SHQ1: variants seen among roughly 807,000 people sequenced by gnomAD.
SHQ1 encodes the protein SHQ1, H/ACA ribonucleoprotein assembly factor.
SHQ1 carries 49 observed loss-of-function variants against 53.8 expected under a neutral mutation model. The observed-to-expected ratio is 0.91, with a 90% CI of 0.72 to 1.16. The LOEUF (loss-of-function observed/expected upper bound fraction) is 1.16, where lower values mean the gene tolerates loss of function less well. Among genes scored for constraint, SHQ1 ranks in the 50% most tolerant of loss-of-function variants. The pLI is 0.00. For synonymous variants in SHQ1, 243 were observed against 251.0 expected, an observed-to-expected ratio of 0.97 and a Z score of 0.30; for missense variants, 738 against 683.1, an observed-to-expected ratio of 1.08 and a Z score of -0.90.
chr3:72,843,162 T>G (rs762507819), intron 2 of SHQ1, among the ~76,000 whole-genome samples: 2 of 152,136 alleles, frequency 1.3e-5, no homozygotes, highest in African/African-American at 2.4e-5. Flanking sequence ...CTGATAATAT[T>G]AAAAATCCAA....
At chr3:72,820,831 G>A (rs1310883610) in intron 6 of SHQ1, among the ~76,000 whole-genome samples, 1 of 152,160 alleles carries the variant, frequency 6.6e-6, no homozygotes, top group Non-Finnish European at 1.5e-5. Context: ...CCCTAGCATT[G>A]AAGCAAATGG....
rs554636330 is a variant in SHQ1 at position 72,832,733 on chromosome 3, C to T, written c.487-252G>A. ...ACAAGCTGACTGACAGATATTAAGGCTATAAAAGTTTAACATAAAAAACAG... is the reference window on the plus strand; with the variant it reads ...ACAAGCTGACTGACAGATATTAAGGTTATAAAAGTTTAACATAAAAAACAG... On this transcript the variant is annotated intron_variant, in intron 4 of 10. Coordinates refer to ENST00000325599, the MANE Select transcript of SHQ1 (RefSeq NM_018130.3). Among the ~76,000 whole-genome samples, 5 of 152,212 alleles carry T rather than the reference C, an allele frequency of 3.3e-5. No individual in the cohort carries two copies. The East Asian group carries it at 7.7e-4, about 23-fold the overall frequency.
chr3:72,834,138 C>T (rs1250853330), intron 4 of SHQ1, among the ~76,000 whole-genome samples: 1 of 152,244 alleles, frequency 6.6e-6, no homozygotes, highest in Admixed American at 6.5e-5. Context: ...AAAATTCTCT[C>T]ATCCCTATCA....
At chr3:72,744,973 C>T (rs1705233247), downstream of SHQ1, among the ~76,000 whole-genome samples, 2 of 150,320 alleles carry the variant, frequency 1.3e-5, no homozygotes, top group Admixed American at 6.7e-5. Context: ...AATTAATACA[C>T]TCTTAGGATC....
intron 6 of SHQ1, among the ~76,000 whole-genome samples, chr3:72,818,640 A>G: frequency 6.6e-6 from 1 of 152,174 alleles, no homozygotes; most frequent in East Asian, 1.9e-4. Context: ...GAGTCATATC[A>G]TTATGTGGGG....
rs146186281 is a variant in SHQ1 at position 72,786,655 on chromosome 3, T to C, written c.1181+6261A>G. ...TTAGATGCTTCCACAGCTCCCATAC[T>C]TGCCCACTGTAGCCGCTATTGGGTA... On this transcript the variant is annotated intron_variant, in intron 10 of 10. Coordinates refer to ENST00000325599, the MANE Select transcript of SHQ1 (RefSeq NM_018130.3). Among the ~76,000 whole-genome samples, 933 of 152,314 alleles carry C rather than the reference T, an allele frequency of 6.1e-3. 14 individuals are homozygous for C. The highest frequency in any genetic ancestry group is 0.021 in the African/African-American group (876 of 41,570).
the SHQ1 span, among the ~76,000 whole-genome samples, chr3:72,731,683 G>A: frequency 8.2e-5 from 12 of 146,708 alleles, no homozygotes; most frequent in South Asian, 8.6e-4. Flanking sequence ...GTGAGACTCC[G>A]TTTCAAAAAA....
intron 6 of SHQ1, among the ~76,000 whole-genome samples, chr3:72,817,971 C>T (rs1707370706): frequency 6.6e-6 from 1 of 151,870 alleles, no homozygotes; most frequent in South Asian, 2.1e-4. Flanking sequence ...AACACAGTTC[C>T]TTTTTGCTTT....
rs1408245307 is a variant in SHQ1 at position 72,812,661 on chromosome 3, AAT to A, written c.1060+8_1060+9del. The A allele has an allele frequency of 6.2e-7, 1 of 1,613,082 alleles. No individual in the cohort carries two copies. Among genetic ancestry groups the A allele is most frequent in the South Asian group, 1.1e-5 (1 of 90,648 alleles). On this transcript the variant is annotated splice_region_variant and intron_variant, in intron 9 of 10. Transcript: ENST00000325599. ...TCCCTCCCAAATTTGCAAGTACAGT[AAT>A]ATCTTACCCAGTTGCAATATCTTTA...
chr3:72,741,045 C>A, the SHQ1 span, among the ~76,000 whole-genome samples: 4 of 152,190 alleles, frequency 2.6e-5, no homozygotes, highest in African/African-American at 9.7e-5. Context: ...ATTTAGACAA[C>A]CTCAGAGATT....
Position 72,772,068 on chromosome 3 carries a change from G to C in SHQ1, c.1181+20848C>G, listed in dbSNP as rs80090363. 4.7e-3 allele frequency among the ~76,000 whole-genome samples: 709 copies of C among 152,260 alleles called. 6 individuals are homozygous for C. The highest frequency in any genetic ancestry group is 5.1e-3 in the Non-Finnish European group (350 of 68,020). On this transcript the variant is annotated intron_variant, in intron 10 of 10. Coordinates refer to ENST00000325599, the MANE Select transcript of SHQ1 (RefSeq NM_018130.3). The stretch of plus-strand genomic sequence containing the variant: ...AGAGTTTGCAAGACTTTTCAGTTCT[G>C]TGACTGGCTGCATTACAGATAGTCA...
At chr3:72,773,233 G>C in intron 10 of SHQ1, 1 of 690,288 alleles carries the variant, frequency 1.4e-6, no homozygotes, top group Admixed American at 1.9e-5. Flanking sequence ...TTCAACGAGA[G>C]AAAGAGTTAG....
chr3:72,730,248 T>C, the SHQ1 span, among the ~76,000 whole-genome samples: 2 of 152,144 alleles, frequency 1.3e-5, no homozygotes, highest in Non-Finnish European at 2.9e-5. Context: ...CCCGAGTAGC[T>C]GGGACTACAG....
chr3:72,823,691 T>G (rs1707557078), intron 6 of SHQ1, among the ~76,000 whole-genome samples: 1 of 152,204 alleles, frequency 6.6e-6, no homozygotes, highest in South Asian at 2.1e-4. Flanking sequence ...GTGTAGACAT[T>G]TCTTAAAGCG....
intron 10 of SHQ1, among the ~76,000 whole-genome samples, chr3:72,764,791 A>G (rs1171905364): frequency 6.6e-6 from 1 of 152,162 alleles, no homozygotes; most frequent in African/African-American, 2.4e-5. Flanking sequence ...AACACCCCAA[A>G]GAGTTCTGAC....
At position 72,750,005 on chromosome 3, in the gene SHQ1, T is replaced by C; in HGVS notation, c.*279A>G. The C allele has an allele frequency of 2.5e-6, 1 of 395,710 alleles. No individual in the cohort carries two copies. Among genetic ancestry groups the C allele is most frequent in the Non-Finnish European group, 4.5e-6 (1 of 221,096 alleles). 24.5% of individuals were successfully genotyped at this position (395,710 alleles called of 1,614,324 possible). ...GTTTAAATCATCACTAGATTACTTATATTACCCAATACAATGTAAATGCTG... is the reference window on the plus strand; with the variant it reads ...GTTTAAATCATCACTAGATTACTTACATTACCCAATACAATGTAAATGCTG... On this transcript the variant is annotated 3_prime_UTR_variant, in exon 11 of 11. Coordinates refer to ENST00000325599, the MANE Select transcript of SHQ1 (RefSeq NM_018130.3).
At chr3:72,801,140 T>C (rs1323754749) in intron 9 of SHQ1, among the ~76,000 whole-genome samples, 2 of 112,064 alleles carry the variant, frequency 1.8e-5, no homozygotes, top group East Asian at 4.2e-4. Context: ...AGGTAGAACA[T>C]TAAAAAAAAA....
intron 9 of SHQ1, among the ~76,000 whole-genome samples, chr3:72,799,260 T>C (rs1474614960): frequency 2.6e-5 from 4 of 152,294 alleles, no homozygotes; most frequent in Non-Finnish European, 2.9e-5. Context: ...TGTAAAATCA[T>C]CTGAAAATAA....
chr3:72,744,849 G>T (rs1705227913), downstream of SHQ1, among the ~76,000 whole-genome samples: 1 of 144,650 alleles, frequency 6.9e-6, no homozygotes, highest in African/African-American at 2.5e-5. Flanking sequence ...AACAATCAGA[G>T]ATTTGCGTTT....
Sources: allele counts gnomAD v4.1 joint callset (sites outside exome capture counted in the v4.1 genomes callset), GRCh38; gene constraint gnomAD v4.1.1; transcripts MANE v1.5; gene names NCBI Gene and HGNC (gene_info 2026-07-23, HGNC 2026-07-21).